Variants in CA10 observed in about 807,000 individuals in gnomAD.
CA10 encodes the protein carbonic anhydrase-related protein 10.
Under a neutral mutation model 44.2 loss-of-function variants are expected in CA10, and 14 were observed. The ratio of observed to expected loss-of-function variants is 0.32; its 90% CI spans 0.21 to 0.50. The LOEUF is 0.50. Among genes scored for constraint, CA10 ranks in the 20% least tolerant of loss-of-function variants. The probability of loss-of-function intolerance (pLI) is 0.99; values close to 1 mark genes in which losing one functional copy is unlikely to be tolerated. For missense variants in CA10, 350 were observed against 409.7 expected, an observed-to-expected ratio of 0.85 and a Z score of 1.26; for synonymous variants, 159 against 141.6, an observed-to-expected ratio of 1.12 and a Z score of -0.87.
chr17:51,842,784 T>C (rs533964116), intron 3 of CA10, among the ~76,000 whole-genome samples: 3 of 152,158 alleles, frequency 2.0e-5, no homozygotes, highest in South Asian at 2.1e-4. Context: ...TAACAGTATA[T>C]GGTATGGAAC....
intron 3 of CA10, among the ~76,000 whole-genome samples, chr17:51,793,090 T>C (rs1388010318): frequency 2.6e-5 from 4 of 152,226 alleles, no homozygotes; most frequent in East Asian, 1.9e-4. Flanking sequence ...TCCCTGTCTA[T>C]GCTGTTCCAT....
At chr17:51,806,080 G>T (rs1907124347) in intron 3 of CA10, among the ~76,000 whole-genome samples, 1 of 152,170 alleles carries the variant, frequency 6.6e-6, no homozygotes, top group African/African-American at 2.4e-5. Context: ...AAGAGTCAGG[G>T]TCCAGAACCT....
At chr17:51,648,893 T>A (rs1913445526) in intron 6 of CA10, among the ~76,000 whole-genome samples, 1 of 152,132 alleles carries the variant, frequency 6.6e-6, no homozygotes. Context: ...CGGTGGAGCG[T>A]GTCAGCCAGC....
intron 3 of CA10, among the ~76,000 whole-genome samples, chr17:51,792,853 G>A (rs759838645): frequency 6.6e-5 from 10 of 152,054 alleles, no homozygotes; most frequent in Non-Finnish European, 8.8e-5. Flanking sequence ...TCTCAAATTC[G>A]CATAAATTTG....
intron 1 of CA10, among the ~76,000 whole-genome samples, chr17:52,116,969 A>G (rs1478109708): frequency 6.6e-6 from 1 of 152,210 alleles, no homozygotes; most frequent in Admixed American, 6.5e-5. Context: ...TACTTTTGAT[A>G]AAGTTCAAAA....
At chr17:51,829,232 G>A (rs555364479) in intron 3 of CA10, among the ~76,000 whole-genome samples, 1 of 152,360 alleles carries the variant, frequency 6.6e-6, no homozygotes, top group Non-Finnish European at 1.5e-5. Flanking sequence ...CCCCATGGAT[G>A]TGTCTGGAAT....
intron 4 of CA10, among the ~76,000 whole-genome samples, chr17:51,681,563 G>A (rs1445684627): frequency 1.3e-5 from 2 of 152,118 alleles, no homozygotes; most frequent in Non-Finnish European, 2.9e-5. Context: ...GACGCCAGTA[G>A]CACCCCCAGT....
chr17:51,724,246 T>C (rs1403588188), intron 4 of CA10, among the ~76,000 whole-genome samples: 2 of 152,228 alleles, frequency 1.3e-5, no homozygotes, highest in African/African-American at 2.4e-5. Flanking sequence ...ATATGAAATA[T>C]TGCCAAAATA....
intron 2 of CA10, among the ~76,000 whole-genome samples, chr17:51,960,260 C>T (rs903391783): frequency 6.6e-6 from 1 of 152,012 alleles, no homozygotes; most frequent in African/African-American, 2.4e-5. Context: ...AAAATATGAG[C>T]AGAGCCTCAG....
intron 3 of CA10, among the ~76,000 whole-genome samples, chr17:51,835,934 A>G (rs951005975): frequency 4.6e-5 from 7 of 152,276 alleles, no homozygotes; most frequent in Admixed American, 2.0e-4. Flanking sequence ...CACATAGAAG[A>G]GGAATGGAAG....
chr17:51,668,650 G>A (rs1013215593), intron 4 of CA10, among the ~76,000 whole-genome samples: 5 of 152,238 alleles, frequency 3.3e-5, no homozygotes, highest in East Asian at 1.9e-4. Flanking sequence ...GGACCTCCTC[G>A]GCCTCTGCAT....
At chr17:51,943,644 A>G (rs1443762752) in intron 2 of CA10, among the ~76,000 whole-genome samples, 4 of 152,162 alleles carry the variant, frequency 2.6e-5, no homozygotes, top group African/African-American at 9.7e-5. Context: ...TGTTGCAAGC[A>G]TGATCTGGGA....
intron 3 of CA10, among the ~76,000 whole-genome samples, chr17:51,911,883 T>C (rs973906907): frequency 7.2e-5 from 11 of 152,220 alleles, no homozygotes; most frequent in African/African-American, 2.4e-4. Flanking sequence ...TTTCAGTGCA[T>C]ATTAATTGGG....
At chr17:51,870,870 C>T (rs1979770945) in intron 3 of CA10, among the ~76,000 whole-genome samples, 1 of 152,070 alleles carries the variant, frequency 6.6e-6, no homozygotes, top group South Asian at 2.1e-4. Context: ...TGCCATGACT[C>T]AGGCAGCTAG....
At chr17:51,819,088 A>G (rs1598060869) in intron 3 of CA10, among the ~76,000 whole-genome samples, 1 of 152,250 alleles carries the variant, frequency 6.6e-6, no homozygotes, top group Non-Finnish European at 1.5e-5. Flanking sequence ...AACCATGGCT[A>G]TCTGCCCAGT....
chr17:52,114,914 C>A (rs1988859368), intron 1 of CA10, among the ~76,000 whole-genome samples: 1 of 152,208 alleles, frequency 6.6e-6, no homozygotes, highest in Admixed American at 6.5e-5. Flanking sequence ...AGCCATTCTC[C>A]ATCCACTGGG....
intron 2 of CA10, among the ~76,000 whole-genome samples, chr17:52,042,152 GT>G (rs997199727): frequency 4.1e-4 from 63 of 152,094 alleles, no homozygotes; most frequent in African/African-American, 1.3e-3. Context: ...CAATTTTAAA[GT>G]TTTTTGAGGA....
intron 2 of CA10, among the ~76,000 whole-genome samples, chr17:51,992,766 C>G (rs889555407): frequency 3.3e-5 from 5 of 152,024 alleles, no homozygotes. Flanking sequence ...CTAAGGTTCC[C>G]AAAGTCCAGA....
At chr17:52,009,235 C>A (rs1212108800) in intron 2 of CA10, among the ~76,000 whole-genome samples, 1 of 151,772 alleles carries the variant, frequency 6.6e-6, no homozygotes, top group Non-Finnish European at 1.5e-5. Context: ...GTTTTCTATA[C>A]CATAAGACAG....
Sources: allele counts gnomAD v4.1 joint callset (sites outside exome capture counted in the v4.1 genomes callset), GRCh38; gene constraint gnomAD v4.1.1; transcripts MANE v1.5; gene names NCBI Gene and HGNC (gene_info 2026-07-23, HGNC 2026-07-21).